INTS8: variants seen among roughly 807,000 people sequenced by gnomAD.
The protein encoded by INTS8 is integrator complex subunit 8, also known as protein kaonashi-1.
A neutral mutation model predicts 138.9 loss-of-function variants in INTS8; 47 were observed. That is an observed-to-expected ratio of 0.34 (90% CI 0.27 to 0.43). The LOEUF (loss-of-function observed/expected upper bound fraction) is 0.43. Ranked by LOEUF, INTS8 falls within the 20% of genes least tolerant of loss-of-function variation. INTS8 has a pLI of 1.00. For missense variants in INTS8, 996 were observed against 1,173.0 expected (o/e 0.85, Z 2.20); for synonymous variants, 392 against 400.9 (o/e 0.98, Z 0.27).
Position 94,859,622 on chromosome 8 carries a change from C to T in INTS8, c.2066C>T (p.Pro689Leu). 1 of 1,607,762 alleles carries T rather than the reference C, an allele frequency of 6.2e-7. No individual in the cohort carries two copies. Among genetic ancestry groups the T allele is most frequent in the Non-Finnish European group, 8.5e-7 (1 of 1,174,818 alleles). The change falls in exon 16 of 27, where the codon CCA (proline) becomes CTA (leucine). Residue 689 changes from proline (P) to leucine (L), a missense_variant. Transcript: ENST00000523731. Reference protein sequence around the residue: ...QVPAFLLQSNPYVKLGQLLAA... With the variant: ...QVPAFLLQSNLYVKLGQLLAA... ...CCTGCATTTTTGCTTCAGAGTAATCCATATGTAAAGGTAGTTAATGTTTAA... is the reference window on the plus strand; with the variant it reads ...CCTGCATTTTTGCTTCAGAGTAATCTATATGTAAAGGTAGTTAATGTTTAA...
chr8:94,865,297 G>A (rs1003999948), intron 16 of INTS8, among the ~76,000 whole-genome samples: 3 of 151,868 alleles, frequency 2.0e-5, no homozygotes, highest in Admixed American at 6.6e-5. Context: ...TCGTATGCTC[G>A]AACCAGAGGA....
In INTS8 at chr8:94,873,409, C is replaced by G; in HGVS notation, c.2569C>G (p.Leu857Val). ...NQYSAALHYY[L>V]QAGAVCSDFF... Reference sequence around the variant, plus strand: ...GTATTCAGCAGCTCTTCACTATTACCTCCAGGCAGGAGCTGTGTGTTCTGA... The same window carrying G: ...GTATTCAGCAGCTCTTCACTATTACGTCCAGGCAGGAGCTGTGTGTTCTGA... The change falls in exon 22 of 27, where the codon CTC becomes GTC. Residue 857 changes from leucine to valine, a missense_variant. Transcript: ENST00000523731. 1 of 1,613,972 alleles carries G rather than the reference C, an allele frequency of 6.2e-7. No homozygotes were observed. The highest frequency in any genetic ancestry group is 1.1e-5 in the South Asian group (1 of 91,074).
At chr8:94,842,939 C>CA (rs1422443637) in intron 10 of INTS8, among the ~76,000 whole-genome samples, 35 of 145,684 alleles carry the variant, frequency 2.4e-4, no homozygotes, top group Non-Finnish European at 1.4e-4. Context: ...ATGTTAGAGA[C>CA]ATTGAGAGAA....
chr8:94,823,401 C>T lies in INTS8; in HGVS notation c.-31C>T. 1.3e-6 allele frequency: 2 copies of T among 1,512,336 alleles called. No individual in the cohort carries two copies. The highest frequency in any genetic ancestry group is 1.8e-6 in the Non-Finnish European group (2 of 1,132,624). 93.7% of individuals were successfully genotyped at this position (1,512,336 alleles called of 1,614,324 possible). ...CAAGTGTCAGGTTGGAGCCGGGAAG[C>T]GGCCCTGGTGGTAGCGGCGGCGGGG... On this transcript the variant is annotated 5_prime_UTR_variant, in exon 1 of 27. Transcript: ENST00000523731.
rs202149747 is a variant in INTS8, at chr8:94,874,636, T to G, written c.2688+34T>G. 47 of 1,207,846 alleles carry G rather than the reference T, an allele frequency of 3.9e-5. No individual in the cohort carries two copies. The East Asian group carries it at 1.1e-3, about 27-fold the overall frequency. The allele number at this position is 1,207,846 out of a possible 1,614,324, so 74.8% of individuals were successfully genotyped here. On this transcript the variant is annotated intron_variant, in intron 23 of 26. Transcript: ENST00000523731. ...ATAATATTATGAAGTTGTTTTATTTTTACATATGTTAGAGTTTATAATAAA... is the reference window on the plus strand; with the variant it reads ...ATAATATTATGAAGTTGTTTTATTTGTACATATGTTAGAGTTTATAATAAA...
At chr8:94,846,684 A>G (rs956560646) in intron 10 of INTS8, among the ~76,000 whole-genome samples, 5 of 152,204 alleles carry the variant, frequency 3.3e-5, no homozygotes, top group African/African-American at 1.2e-4. Flanking sequence ...GCAAGCTTGC[A>G]CTATTTCACC....
chr8:94,838,733 C>T (rs1437176155), intron 8 of INTS8, 115 bp downstream of exon 8: 1 of 687,672 alleles, frequency 1.5e-6, no homozygotes, highest in Admixed American at 2.6e-5. Context: ...TTTACACTGT[C>T]ATACTGGCCT....
At chr8:94,868,241 A>C (rs56826530) in intron 20 of INTS8, among the ~76,000 whole-genome samples, 17 of 152,052 alleles carry the variant, frequency 1.1e-4, no homozygotes, top group Non-Finnish European at 1.8e-4. Context: ...CATGTAGGGG[A>C]ATCAACTTGT....
At chr8:94,858,339 A>G (rs969377658) in intron 15 of INTS8, among the ~76,000 whole-genome samples, 1 of 152,188 alleles carries the variant, frequency 6.6e-6, no homozygotes, top group Non-Finnish European at 1.5e-5. Context: ...GCAGTTATAG[A>G]TCATAACTTT....
intron 10 of INTS8, among the ~76,000 whole-genome samples, chr8:94,844,993 A>G (rs1173473992): frequency 6.6e-6 from 1 of 151,962 alleles, no homozygotes; most frequent in Non-Finnish European, 1.5e-5. Flanking sequence ...AGCTCAGGTG[A>G]TCCACTCACC....
intron 8 of INTS8, among the ~76,000 whole-genome samples, chr8:94,838,926 C>G (rs1304340717): frequency 1.3e-5 from 2 of 152,218 alleles, no homozygotes; most frequent in African/African-American, 4.8e-5. Flanking sequence ...GTAAGCAGAA[C>G]TTTTAACATT....
chr8:94,850,442 C>G (rs991077803), intron 12 of INTS8, among the ~76,000 whole-genome samples: 1 of 152,044 alleles, frequency 6.6e-6, no homozygotes, highest in African/African-American at 2.4e-5. Flanking sequence ...GAAACCCCGC[C>G]TCTACTAAAA....
At chr8:94,830,958 T>A (rs1320517105) in intron 5 of INTS8, among the ~76,000 whole-genome samples, 1 of 151,514 alleles carries the variant, frequency 6.6e-6, no homozygotes, top group Non-Finnish European at 1.5e-5. Flanking sequence ...CCACCATGCC[T>A]GGCTAATTTT....
chr8:94,868,303 G>T (rs1816257880), intron 20 of INTS8, among the ~76,000 whole-genome samples: 1 of 152,056 alleles, frequency 6.6e-6, no homozygotes. Flanking sequence ...TTCTTAGTTT[G>T]TGCTTGTCCA....
In INTS8 at chr8:94,848,236, C is replaced by T. The variant is rs1486882639; in HGVS notation, c.1261-1226C>T. On this transcript the variant is annotated intron_variant, in intron 10 of 26. Coordinates refer to ENST00000523731, the MANE Select transcript of INTS8 (RefSeq NM_017864.4). ...CCATGTTGGCCAGGCTGATCTGGAACTCTTGACCTCAGGTGATCCACCTGT... is the reference window on the plus strand; with the variant it reads ...CCATGTTGGCCAGGCTGATCTGGAATTCTTGACCTCAGGTGATCCACCTGT... 3.9e-5 allele frequency among the ~76,000 whole-genome samples: 6 copies of T among 152,070 alleles called. No homozygotes were observed. The East Asian group carries it at 1.2e-3, about 29-fold the overall frequency.
chr8:94,869,441 G>A (rs1285625502), intron 20 of INTS8, among the ~76,000 whole-genome samples: 1 of 151,988 alleles, frequency 6.6e-6, no homozygotes, highest in Non-Finnish European at 1.5e-5. Flanking sequence ...ATTACTACAG[G>A]CGTGTGCCAC....
intron 13 of INTS8, among the ~76,000 whole-genome samples, 170 bp from the exon 14 acceptor site, chr8:94,853,635 A>C (rs1211098421): frequency 6.6e-6 from 1 of 152,094 alleles, no homozygotes; most frequent in Non-Finnish European, 1.5e-5. Flanking sequence ...ATTGTAGCGA[A>C]TGTGTTCATT....
At position 94,881,509 on chromosome 8, in the gene INTS8, G is replaced by C. The variant is rs981783437; in HGVS notation, c.*1275G>C. The C allele has an allele frequency of 2.3e-6, 2 of 854,444 alleles. No homozygotes were observed. The highest frequency in any genetic ancestry group is 3.4e-5 in the African/African-American group (2 of 58,248). The allele number at this position is 854,444 out of a possible 1,614,324, so 52.9% of individuals were successfully genotyped here. ...TAAGTTTTAAAATCAGAATGGCAGT[G>C]TAACTTGTGAATTGGCTAGGGCAAT... On this transcript the variant is annotated 3_prime_UTR_variant, in exon 27 of 27. Transcript: ENST00000523731.
chr8:94,850,915 T>TTTCC (rs1329569119), intron 12 of INTS8, among the ~76,000 whole-genome samples: 2 of 152,196 alleles, frequency 1.3e-5, no homozygotes, highest in Non-Finnish European at 2.9e-5. Context: ...CAACATTTAA[T>TTTCC]ATAGATGAGA....
Sources: allele counts gnomAD v4.1 joint callset (sites outside exome capture counted in the v4.1 genomes callset), GRCh38; gene constraint gnomAD v4.1.1; transcripts MANE v1.5; gene names NCBI Gene and HGNC (gene_info 2026-07-23, HGNC 2026-07-21).